Variants in LTBP1 observed in about 807,000 individuals in gnomAD.
LTBP1 encodes the protein latent-transforming growth factor beta-binding protein 1.
In LTBP1, 129 loss-of-function variants were observed where a neutral mutation model predicts 207.6. The observed-to-expected ratio is 0.62, with a 90% CI of 0.54 to 0.72. The LOEUF (loss-of-function observed/expected upper bound fraction) is 0.72. LTBP1 is among the 30% of genes least tolerant of loss of function. The probability of loss-of-function intolerance (pLI) is 0.00; values close to 1 mark genes in which losing one functional copy is unlikely to be tolerated. For missense variants in LTBP1, 2,281 were observed against 2,217.2 expected, an observed-to-expected ratio of 1.03 and a Z score of -0.58; for synonymous variants, 963 against 833.7, an observed-to-expected ratio of 1.16 and a Z score of -2.67.
intron 7 of LTBP1, among the ~76,000 whole-genome samples, chr2:33,204,927 C>G (rs1178453511): frequency 6.6e-6 from 1 of 152,200 alleles, no homozygotes; most frequent in Non-Finnish European, 1.5e-5. Context: ...AGCTCTCTTT[C>G]CATTTTAGCA....
At chr2:33,261,603 A>G (rs1347768701) in intron 13 of LTBP1, among the ~76,000 whole-genome samples, 6 of 152,180 alleles carry the variant, frequency 3.9e-5, no homozygotes, top group Non-Finnish European at 7.4e-5. Context: ...GGGGCTTGCA[A>G]TGAAAAATGA....
At chr2:33,303,352 C>CTT (rs762959638) in intron 22 of LTBP1, among the ~76,000 whole-genome samples, 47,274 of 132,678 alleles carry the variant, frequency 0.36, 9,255 homozygotes, top group Non-Finnish European at 0.42. Flanking sequence ...GTTAGATTTT[C>CTT]TTTTTTTTTT....
chr2:33,145,328 A>G (rs2082939732), intron 5 of LTBP1, among the ~76,000 whole-genome samples: 1 of 152,160 alleles, frequency 6.6e-6, no homozygotes, highest in Non-Finnish European at 1.5e-5. Flanking sequence ...CTTCATTCAG[A>G]TGCCCATCAG....
chr2:33,349,935 T>A (rs770325173), intron 26 of LTBP1, among the ~76,000 whole-genome samples: 1 of 152,214 alleles, frequency 6.6e-6, no homozygotes, highest in Non-Finnish European at 1.5e-5. Context: ...AATAGCCGTC[T>A]GGCTCTGAGC....
chr2:33,337,390 TC>T (rs1373897416), intron 24 of LTBP1, among the ~76,000 whole-genome samples: 1 of 152,234 alleles, frequency 6.6e-6, no homozygotes, highest in African/African-American at 2.4e-5. Context: ...CACTGGTAGT[TC>T]CCGTCACCCA....
intron 2 of LTBP1, among the ~76,000 whole-genome samples, chr2:32,986,813 C>T (rs1272793509): frequency 6.6e-6 from 1 of 152,190 alleles, no homozygotes; most frequent in African/African-American, 2.4e-5. Flanking sequence ...AAACCTTCAT[C>T]GTCTTTAGAT....
intron 26 of LTBP1, among the ~76,000 whole-genome samples, chr2:33,357,921 C>T (rs2094883683): frequency 1.3e-5 from 2 of 152,078 alleles, no homozygotes. Context: ...AGAAACCCTC[C>T]ACCCCTGGCA....
chr2:33,191,029 A>G (rs1185165463), intron 7 of LTBP1, among the ~76,000 whole-genome samples: 1 of 152,154 alleles, frequency 6.6e-6, no homozygotes, highest in Non-Finnish European at 1.5e-5. Flanking sequence ...AGTCTTGGAG[A>G]GGGAGGACAA....
chr2:32,995,269 T>A (rs1685077255), intron 2 of LTBP1, among the ~76,000 whole-genome samples: 1 of 152,054 alleles, frequency 6.6e-6, no homozygotes, highest in Non-Finnish European at 1.5e-5. Flanking sequence ...GGAGATGTTA[T>A]AGGGCAGTGC....
intron 5 of LTBP1, among the ~76,000 whole-genome samples, chr2:33,177,482 T>A (rs1256244788): frequency 6.6e-6 from 1 of 152,120 alleles, no homozygotes; most frequent in East Asian, 1.9e-4. Flanking sequence ...AAACCCTGTT[T>A]AGTACATAAT....
rs1053432112 is a variant in LTBP1 at position 33,398,882 on chromosome 2, A to G, written c.*337A>G. The G allele has an allele frequency of 6.0e-6, 1 of 166,980 alleles. No homozygotes were observed. Among genetic ancestry groups the G allele is most frequent in the Non-Finnish European group, 1.3e-5 (1 of 77,916 alleles). 10.3% of individuals were successfully genotyped at this position (166,980 alleles called of 1,614,324 possible). A position where few individuals can be genotyped will look rare whatever the true frequency, so the allele number is the denominator to read the frequency against. ...ATTGCTTGATTAAATTTGGCATTTA[A>G]ATAGTGGTGGAAATATTTTATATAA... On this transcript the variant is annotated 3_prime_UTR_variant, in exon 34 of 34. Transcript: ENST00000404816.
intron 9 of LTBP1, among the ~76,000 whole-genome samples, chr2:33,233,119 T>G (rs1355197109): frequency 2.0e-5 from 3 of 152,186 alleles, no homozygotes; most frequent in African/African-American, 4.8e-5. Flanking sequence ...TCACCTATTA[T>G]GTCTTCAAAT....
intron 3 of LTBP1, among the ~76,000 whole-genome samples, chr2:33,077,247 T>C (rs2149814527): frequency 6.6e-6 from 1 of 152,350 alleles, no homozygotes; most frequent in South Asian, 2.1e-4. Context: ...CAGCTATAAC[T>C]GGGATTCCAA....
intron 2 of LTBP1, among the ~76,000 whole-genome samples, chr2:32,967,779 T>C (rs1453002975): frequency 6.6e-6 from 1 of 152,220 alleles, no homozygotes; most frequent in African/African-American, 2.4e-5. Context: ...ATGAGTAAAA[T>C]GTATATTCTG....
At chr2:33,224,291 G>C (rs770000164) in intron 9 of LTBP1, among the ~76,000 whole-genome samples, 4 of 152,210 alleles carry the variant, frequency 2.6e-5, no homozygotes, top group Non-Finnish European at 4.4e-5. Flanking sequence ...CTAGAGGACA[G>C]AGGAGGGTCC....
At chr2:33,344,234 T>G (rs1352267190) in intron 25 of LTBP1, among the ~76,000 whole-genome samples, 3 of 152,210 alleles carry the variant, frequency 2.0e-5, no homozygotes, top group Non-Finnish European at 2.9e-5. Flanking sequence ...TATTCAAGAA[T>G]TATTCACAAC....
At chr2:32,980,979 C>G (rs1682678373) in intron 2 of LTBP1, among the ~76,000 whole-genome samples, 1 of 152,128 alleles carries the variant, frequency 6.6e-6, no homozygotes, top group African/African-American at 2.4e-5. Context: ...TTACTTGTTT[C>G]TTTTCTCTTG....
At position 33,137,133 on chromosome 2, in the gene LTBP1, T is replaced by C. The variant is rs114500204; in HGVS notation, c.1201+2173T>C. Among the ~76,000 whole-genome samples the C allele has an allele frequency of 3.2e-3, 482 of 152,348 alleles. 4 individuals carry two copies. Among genetic ancestry groups the C allele is most frequent in the African/African-American group, 0.011 (443 of 41,586 alleles). On this transcript the variant is annotated intron_variant, in intron 5 of 33. Coordinates refer to ENST00000404816, the MANE Select transcript of LTBP1 (RefSeq NM_206943.4). ...TTATAGAACTTATAGACTGTGATCC[T>C]TTGAAAATACAGAAAAATTCAAAAA... is the stretch of plus-strand genomic sequence containing the variant.
chr2:33,123,914 A>C (rs1009529484), intron 4 of LTBP1, among the ~76,000 whole-genome samples: 4 of 152,216 alleles, frequency 2.6e-5, no homozygotes, highest in African/African-American at 9.6e-5. Context: ...AATTACAGAA[A>C]TCAATCTTAT....
Sources: allele counts gnomAD v4.1 joint callset (sites outside exome capture counted in the v4.1 genomes callset), GRCh38; gene constraint gnomAD v4.1.1; transcripts MANE v1.5; gene names NCBI Gene and HGNC (gene_info 2026-07-23, HGNC 2026-07-21).